Variants in PHTF2 observed in about 807,000 individuals in gnomAD.
PHTF2 encodes protein PHTF2.
A neutral mutation model predicts 101.2 loss-of-function variants in PHTF2; 60 were observed. That is an observed-to-expected ratio of 0.59 (90% CI 0.48 to 0.73). The LOEUF (loss-of-function observed/expected upper bound fraction) is 0.73. PHTF2 is among the 30% of genes least tolerant of loss of function. The probability of loss-of-function intolerance (pLI) is 0.00; values close to 1 mark genes in which losing one functional copy is unlikely to be tolerated. For missense variants in PHTF2, 747 were observed against 908.7 expected (o/e 0.82, Z 2.29); for synonymous variants, 311 against 307.3 (o/e 1.01, Z -0.13).
At chr7:77,850,712 A>G (rs866189644) in intron 2 of PHTF2, among the ~76,000 whole-genome samples, 16 of 152,034 alleles carry the variant, frequency 1.1e-4, no homozygotes, top group African/African-American at 3.6e-4. Context: ...GGGGAAAAAA[A>G]CAAAATGGTC....
chr7:77,867,145 AAG>A (rs1284870081), intron 3 of PHTF2, among the ~76,000 whole-genome samples: 19 of 152,260 alleles, frequency 1.2e-4, no homozygotes, highest in African/African-American at 4.3e-4. Context: ...GGACTTCTTG[AAG>A]AGTTTTGTGT....
intron 10 of PHTF2, among the ~76,000 whole-genome samples, chr7:77,922,328 ATTTC>A (rs1202901578): frequency 1.3e-5 from 2 of 152,138 alleles, no homozygotes; most frequent in Non-Finnish European, 2.9e-5. Flanking sequence ...TGCCTGGCAT[ATTTC>A]TTATTTTTGG....
chr7:77,858,888 G>A (rs113331259), intron 3 of PHTF2, among the ~76,000 whole-genome samples: 1 of 152,120 alleles, frequency 6.6e-6, no homozygotes, highest in African/African-American at 2.4e-5. Context: ...CATAACAAAT[G>A]ACCACAAACT....
At chr7:77,923,595 T>A in intron 11 of PHTF2, 1 of 985,500 alleles carries the variant, frequency 1.0e-6, no homozygotes, top group Non-Finnish European at 1.2e-6. Flanking sequence ...TTGTTTCTTT[T>A]CCCAGTGGTT....
chr7:77,836,392 G>C (rs1795475930), intron 1 of PHTF2, among the ~76,000 whole-genome samples: 1 of 152,108 alleles, frequency 6.6e-6, no homozygotes, highest in African/African-American at 2.4e-5. Flanking sequence ...CCACCATGTT[G>C]TTCAACTGTA....
chr7:77,922,776 G>A, exon 11 of PHTF2: 1 of 1,581,364 alleles, frequency 6.3e-7, no homozygotes. Flanking sequence ...TTACCCTAAT[G>A]AGGTATATAC....
intron 1 of PHTF2, among the ~76,000 whole-genome samples, chr7:77,810,439 CTA>C (rs1392484189): frequency 6.6e-6 from 1 of 152,222 alleles, no homozygotes; most frequent in African/African-American, 2.4e-5. Context: ...TCACATCTCT[CTA>C]GTTTCTTTTA....
At chr7:77,925,828 C>CGG (rs1803945590) in intron 11 of PHTF2, among the ~76,000 whole-genome samples, 1 of 151,890 alleles carries the variant, frequency 6.6e-6, no homozygotes, top group East Asian at 1.9e-4. Context: ...GAGGCTGAGG[C>CGG]GGGCAGATCA....
intron 5 of PHTF2, among the ~76,000 whole-genome samples, chr7:77,896,832 A>G (rs758595072): frequency 4.6e-5 from 7 of 152,216 alleles, no homozygotes; most frequent in Non-Finnish European, 7.4e-5. Flanking sequence ...AGTTTGTCCA[A>G]TGTAATTGAT....
intron 3 of PHTF2, among the ~76,000 whole-genome samples, chr7:77,860,338 G>A (rs987702646): frequency 6.6e-6 from 1 of 152,168 alleles, no homozygotes; most frequent in East Asian, 1.9e-4. Context: ...ACAGGCTACC[G>A]AAAAGCCATT....
intron 16 of PHTF2, among the ~76,000 whole-genome samples, chr7:77,948,490 A>T (rs1303810857): frequency 6.6e-6 from 1 of 152,186 alleles, no homozygotes; most frequent in East Asian, 1.9e-4. Context: ...TGTCCTGCAA[A>T]GACACCATAA....
chr7:77,920,493 C>G, intron 10 of PHTF2, 28 bp downstream of exon 9: 1 of 1,575,616 alleles, frequency 6.3e-7, no homozygotes, highest in South Asian at 1.1e-5. Flanking sequence ...AATAGTTTGC[C>G]TATGTGATTT....
chr7:77,910,555 A>G, intron 9 of PHTF2, 146 bp downstream of exon 8: 1 of 605,030 alleles, frequency 1.7e-6, no homozygotes, highest in Non-Finnish European at 2.8e-6. Flanking sequence ...TAGTATAGAT[A>G]ATGGAAAAAT....
chr7:77,867,320 G>A (rs578159444), intron 3 of PHTF2, among the ~76,000 whole-genome samples: 2 of 152,162 alleles, frequency 1.3e-5, no homozygotes, highest in Non-Finnish European at 2.9e-5. Flanking sequence ...ACGTAGGGTC[G>A]TTTTTGTGGA....
intron 3 of PHTF2, among the ~76,000 whole-genome samples, chr7:77,887,142 A>C (rs1190329779): frequency 6.6e-6 from 1 of 151,950 alleles, no homozygotes; most frequent in Non-Finnish European, 1.5e-5. Flanking sequence ...ATCATTATTA[A>C]TGATTTTCAT....
intron 2 of PHTF2, among the ~76,000 whole-genome samples, chr7:77,841,397 G>A (rs1795877745): frequency 6.6e-6 from 1 of 152,040 alleles, no homozygotes; most frequent in Admixed American, 6.6e-5. Context: ...TGATTTTTAA[G>A]TTTTGTTCAA....
intron 3 of PHTF2, among the ~76,000 whole-genome samples, chr7:77,891,917 C>T (rs1056868682): frequency 6.6e-6 from 1 of 152,038 alleles, no homozygotes; most frequent in Non-Finnish European, 1.5e-5. Flanking sequence ...AAAAGAGTCA[C>T]AGGAAAGTGG....
At chr7:77,915,866 G>A (rs1454119489) in intron 9 of PHTF2, among the ~76,000 whole-genome samples, 1 of 152,054 alleles carries the variant, frequency 6.6e-6, no homozygotes, top group Non-Finnish European at 1.5e-5. Flanking sequence ...TGCTGTCCAG[G>A]TGCCTGTGAT....
At chr7:77,848,109 T>C (rs1796454666) in intron 2 of PHTF2, among the ~76,000 whole-genome samples, 1 of 152,232 alleles carries the variant, frequency 6.6e-6, no homozygotes, top group South Asian at 2.1e-4. Flanking sequence ...CATTCATTCA[T>C]TGATGGACAC....
Sources: gnomAD v4.1 joint callset for allele counts (sites outside exome capture counted in the v4.1 genomes callset) on GRCh38, gnomAD v4.1.1 for gene constraint, MANE v1.5 for transcripts, NCBI Gene and HGNC (gene_info 2026-07-23, HGNC 2026-07-21) for gene names.